Variants in CACNA2D3 observed in about 807,000 individuals in gnomAD.
The protein encoded by CACNA2D3 is voltage-dependent calcium channel subunit alpha-2/delta-3.
Under a neutral mutation model 160.6 loss-of-function variants are expected in CACNA2D3, and 60 were observed. That is an observed-to-expected ratio of 0.37 (90% CI 0.30 to 0.46). The LOEUF (loss-of-function observed/expected upper bound fraction) is 0.46, where lower values mean the gene tolerates loss of function less well. CACNA2D3 is among the 20% of genes least tolerant of loss of function. The probability of loss-of-function intolerance (pLI) is 1.00; values close to 1 mark genes in which losing one functional copy is unlikely to be tolerated. For synonymous variants in CACNA2D3, 558 were observed against 492.9 expected (o/e 1.13, Z -1.75); for missense variants, 1,205 against 1,365.0 (o/e 0.88, Z 1.85).
At chr3:54,330,708 A>G (rs536799936) in intron 3 of CACNA2D3, among the ~76,000 whole-genome samples, 18 of 152,346 alleles carry the variant, frequency 1.2e-4, no homozygotes, top group African/African-American at 4.1e-4. Flanking sequence ...ATAGGGGAGC[A>G]GAGCCCTGCA....
chr3:54,252,792 C>G (rs1186800660), intron 2 of CACNA2D3, among the ~76,000 whole-genome samples: 2 of 152,194 alleles, frequency 1.3e-5, no homozygotes, highest in Non-Finnish European at 2.9e-5. Flanking sequence ...CTAGAACCTG[C>G]AGTTGACCAA....
chr3:54,674,671 G>A (rs183693469), intron 11 of CACNA2D3, among the ~76,000 whole-genome samples: 152 of 151,762 alleles, frequency 1.0e-3, no homozygotes, highest in Non-Finnish European at 1.8e-3. Flanking sequence ...TTCAAAAGGA[G>A]TGAGCCTTGG....
intron 27 of CACNA2D3, among the ~76,000 whole-genome samples, chr3:54,905,402 A>G (rs933741774): frequency 6.6e-6 from 1 of 152,306 alleles, no homozygotes; most frequent in African/African-American, 2.4e-5. Flanking sequence ...AGTTAGGTGA[A>G]TAATGCTGGC....
chr3:54,527,331 A>G lies in CACNA2D3; in HGVS notation c.544+23677A>G, dbSNP rs374114252. ...TCAGTTCATTTGGGAAGAAATTTCA[A>G]ACTATTTGTTTTATGGCCTGCTTTC... On this transcript the variant is annotated intron_variant, in intron 5 of 37. Coordinates refer to ENST00000474759, the MANE Select transcript of CACNA2D3 (RefSeq NM_018398.3). Among the ~76,000 whole-genome samples, 5 of 152,270 alleles carry G rather than the reference A, an allele frequency of 3.3e-5. No individual in the cohort carries two copies. In the East Asian group the frequency reaches 5.8e-4, roughly 18 times the overall value.
At chr3:54,845,466 C>T (rs1178982315) in intron 16 of CACNA2D3, among the ~76,000 whole-genome samples, 2 of 152,194 alleles carry the variant, frequency 1.3e-5, no homozygotes, top group Non-Finnish European at 2.9e-5. Context: ...TCCCCTTTCA[C>T]TGCTCTGGCA....
chr3:55,018,255 A>C lies in CACNA2D3; in HGVS notation c.2925A>C (p.Ala975=). The C allele has an allele frequency of 6.2e-7, 1 of 1,613,528 alleles. No homozygotes were observed. Among genetic ancestry groups the C allele is most frequent in the Middle Eastern group, 1.7e-4 (1 of 6,060 alleles). The change falls in exon 35 of 38, where the codon GCA becomes GCC. Residue 975 remains alanine (A), a synonymous_variant. Transcript: ENST00000474759. ...TLEPCDTEYP[A]FVSERTIKET... is the part of the protein sequence containing the mutation. ...AGCCTTGTGATACTGAATATCCAGC[A>C]TTCGTCTCTGAGCGCACCATCAAGG...
At chr3:54,688,951 C>T (rs936102259) in intron 11 of CACNA2D3, among the ~76,000 whole-genome samples, 2 of 123,540 alleles carry the variant, frequency 1.6e-5, no homozygotes, top group Admixed American at 1.0e-4. Context: ...CATTGCGCTC[C>T]AGCCTGGGAG....
At chr3:54,474,829 G>A (rs964503175) in intron 4 of CACNA2D3, among the ~76,000 whole-genome samples, 21 of 152,098 alleles carry the variant, frequency 1.4e-4, no homozygotes, top group African/African-American at 4.8e-4. Flanking sequence ...TATACACTCT[G>A]CTGCATACTT....
chr3:54,339,531 C>A (rs1704469375), intron 3 of CACNA2D3, among the ~76,000 whole-genome samples: 1 of 152,130 alleles, frequency 6.6e-6, no homozygotes, highest in East Asian at 1.9e-4. Flanking sequence ...ATTTGCTCTC[C>A]CACTAGAACT....
intron 12 of CACNA2D3, among the ~76,000 whole-genome samples, chr3:54,756,877 A>G (rs1049629742): frequency 2.6e-5 from 4 of 152,132 alleles, no homozygotes; most frequent in Non-Finnish European, 4.4e-5. Context: ...AGCAAAATCC[A>G]GGGAGGCCTG....
At chr3:54,832,782 C>A (rs928667757) in intron 14 of CACNA2D3, among the ~76,000 whole-genome samples, 3 of 152,186 alleles carry the variant, frequency 2.0e-5, no homozygotes, top group Non-Finnish European at 4.4e-5. Flanking sequence ...GGGGATAAGA[C>A]CCATGCCTTA....
chr3:54,723,530 G>A lies in CACNA2D3; in HGVS notation c.1168-29069G>A, dbSNP rs148255821. ...CCAGGGCCCTGGTGGGGTAGGCACC[G>A]GAGGGAATCTCCTGGTTTGTGGGTT... On this transcript the variant is annotated intron_variant, in intron 11 of 37. Coordinates refer to ENST00000474759, the MANE Select transcript of CACNA2D3 (RefSeq NM_018398.3). 4.1e-3 allele frequency among the ~76,000 whole-genome samples: 623 copies of A among 152,300 alleles called. 5 individuals carry two copies. The highest frequency in any genetic ancestry group is 0.013 in the African/African-American group (551 of 41,566).
intron 14 of CACNA2D3, among the ~76,000 whole-genome samples, chr3:54,832,167 G>A (rs936140662): frequency 1.3e-5 from 2 of 152,130 alleles, no homozygotes; most frequent in African/African-American, 4.8e-5. Flanking sequence ...AAGGAGAATA[G>A]GTAGTCTTTC....
At chr3:54,477,379 C>G (rs1185263752) in intron 4 of CACNA2D3, among the ~76,000 whole-genome samples, 1 of 151,918 alleles carries the variant, frequency 6.6e-6, no homozygotes, top group Non-Finnish European at 1.5e-5. Context: ...GGATATTTAT[C>G]CTCCGGAGCA....
intron 4 of CACNA2D3, among the ~76,000 whole-genome samples, chr3:54,392,535 G>T (rs960083455): frequency 3.3e-5 from 5 of 152,238 alleles, no homozygotes; most frequent in Non-Finnish European, 5.9e-5. Context: ...AAAAAGAGAA[G>T]TGTGGTGACA....
At chr3:54,908,539 A>G (rs1575363437) in intron 27 of CACNA2D3, among the ~76,000 whole-genome samples, 2 of 152,214 alleles carry the variant, frequency 1.3e-5, no homozygotes, top group East Asian at 3.9e-4. Flanking sequence ...AACATGGTGA[A>G]ACACCACCTC....
At chr3:54,731,412 ACT>A (rs1307588378) in intron 11 of CACNA2D3, among the ~76,000 whole-genome samples, 1 of 152,022 alleles carries the variant, frequency 6.6e-6, no homozygotes, top group Non-Finnish European at 1.5e-5. Flanking sequence ...GTTTTTAAAG[ACT>A]CTATGTACCC....
intron 4 of CACNA2D3, among the ~76,000 whole-genome samples, chr3:54,429,064 G>C (rs1392644084): frequency 6.6e-6 from 1 of 152,148 alleles, no homozygotes; most frequent in Admixed American, 6.5e-5. Flanking sequence ...CGATGGTTTG[G>C]GATGGGGATT....
At chr3:54,444,548 AC>A in intron 4 of CACNA2D3, among the ~76,000 whole-genome samples, 1 of 152,174 alleles carries the variant, frequency 6.6e-6, no homozygotes, top group South Asian at 2.1e-4. Context: ...GGTTTCTTGT[AC>A]TTTTCTCTCA....
Sources: gnomAD v4.1 joint callset for allele counts (sites outside exome capture counted in the v4.1 genomes callset) on GRCh38, gnomAD v4.1.1 for gene constraint, MANE v1.5 for transcripts, NCBI Gene and HGNC (gene_info 2026-07-23, HGNC 2026-07-21) for gene names.